Variants in LAMA2 observed in about 807,000 individuals in gnomAD.
LAMA2 encodes the protein laminin subunit alpha 2, also known as laminin subunit alpha-2.
Under a neutral mutation model 364.8 loss-of-function variants are expected in LAMA2, and 269 were observed. The observed-to-expected ratio is 0.74, with a 90% CI of 0.67 to 0.82. LAMA2 has a LOEUF of 0.82. Among genes scored for constraint, LAMA2 ranks in the 40% least tolerant of loss-of-function variants. The probability of loss-of-function intolerance (pLI) is 0.00; values close to 1 mark genes in which losing one functional copy is unlikely to be tolerated. For missense variants in LAMA2, 3,807 were observed against 3,873.2 expected, an observed-to-expected ratio of 0.98 and a Z score of 0.45; for synonymous variants, 1,379 against 1,370.6, an observed-to-expected ratio of 1.01 and a Z score of -0.14.
intron 9 of LAMA2, among the ~76,000 whole-genome samples, chr6:129,176,824 G>A (rs1780625325): frequency 6.6e-6 from 1 of 151,324 alleles, no homozygotes; most frequent in South Asian, 2.1e-4. Flanking sequence ...TTTATCTCTT[G>A]TGCACATTAC....
At chr6:128,971,375 T>G (rs202236684) in intron 1 of LAMA2, among the ~76,000 whole-genome samples, 5 of 152,180 alleles carry the variant, frequency 3.3e-5, no homozygotes, top group Non-Finnish European at 7.3e-5. Flanking sequence ...GATGAGTACT[T>G]TCGCAGAAAC....
intron 1 of LAMA2, among the ~76,000 whole-genome samples, chr6:128,968,634 G>T (rs1053555545): frequency 6.6e-6 from 1 of 152,088 alleles, no homozygotes; most frequent in African/African-American, 2.4e-5. Context: ...GTAGAGAAAT[G>T]CAGAGGTCCT....
Position 129,315,541 on chromosome 6 carries a change from C to G in LAMA2, c.3621C>G (p.Thr1207=). 1 of 1,614,168 alleles carries G rather than the reference C, an allele frequency of 6.2e-7. No individual in the cohort carries two copies. The highest frequency in any genetic ancestry group is 8.5e-7 in the Non-Finnish European group (1 of 1,180,010). ...LVDEALQHTT[T]KGIVFQHPEI... is the part of the protein sequence containing the mutation. ...ATGAGGCTCTGCAGCACACGACCAC[C>G]AAGGGCATTGTTTTTCAACATCCAG... is the stretch of plus-strand genomic sequence containing the variant. The change falls in exon 25 of 65, where the codon ACC becomes ACG. Residue 1207 remains threonine (T), a synonymous_variant. Transcript: ENST00000421865.
At chr6:129,426,199 CT>C (rs1781316395) in intron 40 of LAMA2, among the ~76,000 whole-genome samples, 1 of 152,124 alleles carries the variant, frequency 6.6e-6, no homozygotes, top group Non-Finnish European at 1.5e-5. Flanking sequence ...CCTCTCTCCA[CT>C]TTTTAGAGTT....
rs189263597 is a variant in LAMA2, at chr6:129,206,328, C to T, written c.1782+13475C>T. ...CATCAAGGTGAGTTTGTCTCAAAAG[C>T]TCTGTTCTAGTGCCCCACTCAAGAA... On this transcript the variant is annotated intron_variant, in intron 12 of 64. Coordinates refer to ENST00000421865, the MANE Select transcript of LAMA2 (RefSeq NM_000426.4). 2.9e-3 allele frequency among the ~76,000 whole-genome samples: 439 copies of T among 152,260 alleles called. 2 individuals are homozygous for T. Among genetic ancestry groups the T allele is most frequent in the African/African-American group, 0.01 (424 of 41,552 alleles).
chr6:129,313,896 G>C (rs142756443), intron 23 of LAMA2, among the ~76,000 whole-genome samples: 4 of 152,050 alleles, frequency 2.6e-5, no homozygotes, highest in Non-Finnish European at 5.9e-5. Context: ...CTTATATCTC[G>C]CAATTATGAT....
chr6:129,516,535 A>AAAT lies in LAMA2; in HGVS notation c.*193_*195dup. On this transcript the variant is annotated 3_prime_UTR_variant, in exon 65 of 65. Transcript: ENST00000421865. The stretch of plus-strand genomic sequence containing the variant: ...AATTCAAGTTCTTTCTCAAGTCTAT[A>AAAT]AATAATATTAAACTGATTATTTCAT... The AAAT allele has an allele frequency of 4.9e-6, 3 of 611,024 alleles. No homozygotes were observed. The highest frequency in any genetic ancestry group is 2.9e-5 in the East Asian group (1 of 34,524). The allele number at this position is 611,024 out of a possible 1,614,324, so 37.9% of individuals were successfully genotyped here.
intron 3 of LAMA2, among the ~76,000 whole-genome samples, chr6:129,071,600 T>A (rs1219003683): frequency 6.6e-6 from 1 of 152,132 alleles, no homozygotes; most frequent in Non-Finnish European, 1.5e-5. Flanking sequence ...TATATTGTAT[T>A]TTTCATTATC....
chr6:129,427,275 C>T (rs931564931), intron 40 of LAMA2, among the ~76,000 whole-genome samples: 1 of 152,172 alleles, frequency 6.6e-6, no homozygotes, highest in Non-Finnish European at 1.5e-5. Context: ...AGGAAATGCT[C>T]CCCTCTCAGT....
rs540363912 is a variant in LAMA2, at chr6:128,995,566, C to T, written c.113-54352C>T. Among the ~76,000 whole-genome samples, 8 of 152,262 alleles carry T rather than the reference C, an allele frequency of 5.3e-5. No homozygotes were observed. The East Asian group carries it at 5.8e-4, about 11-fold the overall frequency. The stretch of plus-strand genomic sequence containing the variant: ...CTTGAACTCCTGACCTCAGGTGATC[C>T]GCCTGCCTTGGCCTTCCAAAGTGCT... On this transcript the variant is annotated intron_variant, in intron 1 of 64. Transcript: ENST00000421865.
intron 9 of LAMA2, among the ~76,000 whole-genome samples, chr6:129,169,490 C>G (rs1333402558): frequency 6.6e-6 from 1 of 150,790 alleles, no homozygotes; most frequent in African/African-American, 2.5e-5. Flanking sequence ...ATTGAACCAG[C>G]CTTGCATCCC....
intron 3 of LAMA2, among the ~76,000 whole-genome samples, chr6:129,075,781 G>T (rs9402099): frequency 2.0e-5 from 3 of 152,128 alleles, no homozygotes; most frequent in African/African-American, 7.2e-5. Flanking sequence ...CTGTTTTAAC[G>T]TGTTATCTTT....
At chr6:129,417,878 A>C (rs1481613041) in intron 40 of LAMA2, among the ~76,000 whole-genome samples, 2 of 152,194 alleles carry the variant, frequency 1.3e-5, no homozygotes, top group Non-Finnish European at 2.9e-5. Flanking sequence ...TGCCGGGAAC[A>C]GTGAGAGACC....
chr6:129,275,795 G>A (rs1788280991), intron 17 of LAMA2, among the ~76,000 whole-genome samples: 1 of 150,722 alleles, frequency 6.6e-6, no homozygotes, highest in South Asian at 2.1e-4. Flanking sequence ...ATGGCAATAT[G>A]CTTTCATACT....
chr6:129,129,670 A>G (rs1271727706), intron 4 of LAMA2, among the ~76,000 whole-genome samples: 1 of 152,126 alleles, frequency 6.6e-6, no homozygotes, highest in Non-Finnish European at 1.5e-5. Flanking sequence ...CACGCCTGTA[A>G]TCCCAGCACT....
chr6:129,193,364 AT>A (rs1290334101), intron 12 of LAMA2, among the ~76,000 whole-genome samples: 4 of 152,236 alleles, frequency 2.6e-5, no homozygotes, highest in African/African-American at 9.6e-5. Context: ...TAAACAACAT[AT>A]TTGCTGGAGC....
At chr6:129,280,223 TG>T in intron 18 of LAMA2, 76 bp downstream of exon 18, 2 of 940,542 alleles carry the variant, frequency 2.1e-6, no homozygotes, top group South Asian at 2.7e-5. Context: ...AATCATCCTT[TG>T]CATCATCCTT....
At chr6:129,391,431 C>G in intron 35 of LAMA2, 60 bp from the exon 36 acceptor site, 1 of 1,382,942 alleles carries the variant, frequency 7.2e-7, no homozygotes, top group Non-Finnish European at 1.0e-6. Context: ...ATGCTGAATA[C>G]CATGTTTTCA....
chr6:128,997,848 G>A (rs1236865833), intron 1 of LAMA2, among the ~76,000 whole-genome samples: 1 of 152,132 alleles, frequency 6.6e-6, no homozygotes, highest in Non-Finnish European at 1.5e-5. Flanking sequence ...AGATTTTCCA[G>A]TGTGTGTTGT....
Sources: gnomAD v4.1 joint callset for allele counts (sites outside exome capture counted in the v4.1 genomes callset) on GRCh38, gnomAD v4.1.1 for gene constraint, MANE v1.5 for transcripts, NCBI Gene and HGNC (gene_info 2026-07-23, HGNC 2026-07-21) for gene names.